Variants in MICU2 observed in about 807,000 individuals in gnomAD.
MICU2 encodes the protein mitochondrial calcium uptake 2, also known as calcium uptake protein 2, mitochondrial.
MICU2 carries 64 observed loss-of-function variants against 60.4 expected under a neutral mutation model. The ratio of observed to expected loss-of-function variants is 1.06; its 90% confidence interval spans 0.87 to 1.31. The LOEUF is 1.31. MICU2 is among the 50% of genes most tolerant of loss of function. The pLI is 0.00. For missense variants in MICU2, 569 were observed against 531.0 expected (o/e 1.07, Z -0.70); for synonymous variants, 201 against 175.0 (o/e 1.15, Z -1.17).
intron 4 of MICU2, chr13:21,531,119 A>G: frequency 1.1e-6 from 1 of 926,788 alleles, no homozygotes. Flanking sequence ...CCCCCTACCT[A>G]ATTGCCTTTC....
chr13:21,506,715 G>T (rs994443742), intron 8 of MICU2, among the ~76,000 whole-genome samples: 1 of 152,156 alleles, frequency 6.6e-6, no homozygotes, highest in African/African-American at 2.4e-5. Context: ...TGTCACAATG[G>T]ATGGGGAGTC....
chr13:21,533,933 T>C (rs1016211529), intron 4 of MICU2, among the ~76,000 whole-genome samples: 2 of 152,146 alleles, frequency 1.3e-5, no homozygotes, highest in African/African-American at 4.8e-5. Context: ...AAAGAGGAGA[T>C]AAAAATTAGA....
At chr13:21,538,562 C>CA (rs71650194) in intron 4 of MICU2, among the ~76,000 whole-genome samples, 3,816 of 102,170 alleles carry the variant, frequency 0.037, 180 homozygotes, top group African/African-American at 0.061. Context: ...GACCCTGTCT[C>CA]AAAAAAAAAA....
rs542419762 is a variant in MICU2, at chr13:21,496,316, C to A, written c.934-156G>T. 4.2e-5 allele frequency: 25 copies of A among 592,116 alleles called. No individual in the cohort carries two copies. The South Asian group carries it at 5.3e-4, about 13-fold the overall frequency. The allele number at this position is 592,116 out of a possible 1,614,324, so 36.7% of individuals were successfully genotyped here. On this transcript the variant is annotated intron_variant, in intron 9 of 11. Transcript: ENST00000382374. Reference sequence around the variant, plus strand: ...CTGTCCCTTTCTCTCTGTGTGCACACAGAAATGGCCACACAAAGGGCACAG... The same window carrying A: ...CTGTCCCTTTCTCTCTGTGTGCACAAAGAAATGGCCACACAAAGGGCACAG...
chr13:21,539,580 G>A (rs1039910033), intron 3 of MICU2, 77 bp downstream of exon 3: 1 of 1,579,018 alleles, frequency 6.3e-7, no homozygotes, highest in Admixed American at 1.7e-5. Flanking sequence ...TTACAGGTGT[G>A]AGCCACCGTG....
At chr13:21,573,818 T>G (rs1312835583) in intron 1 of MICU2, among the ~76,000 whole-genome samples, 2 of 151,950 alleles carry the variant, frequency 1.3e-5, no homozygotes, top group African/African-American at 4.8e-5. Flanking sequence ...ATATATTATG[T>G]GGAGAAATAA....
At position 21,597,675 on chromosome 13, in the gene MICU2, C is replaced by T. The variant is rs547908672; in HGVS notation, c.210+6264G>A. Among the ~76,000 whole-genome samples, 11 of 152,116 alleles carry T rather than the reference C, an allele frequency of 7.2e-5. No homozygotes were observed. The South Asian group carries it at 2.3e-3, about 32-fold the overall frequency. On this transcript the variant is annotated intron_variant, in intron 1 of 11. Transcript: ENST00000382374. ...GGGCGCGGTGGCTCATGCCTGTAAT[C>T]CCAGCAGGGATTTTGGGAGGCCGAG...
intron 1 of MICU2, 25 bp from the exon 2 acceptor site, chr13:21,566,969 G>A: frequency 6.3e-7 from 1 of 1,581,236 alleles, no homozygotes; most frequent in Non-Finnish European, 8.6e-7. Context: ...AATTGCAATT[G>A]AAGATTTTTT....
intron 7 of MICU2, among the ~76,000 whole-genome samples, chr13:21,513,041 T>C (rs572749167): frequency 2.0e-5 from 3 of 152,268 alleles, no homozygotes; most frequent in South Asian, 2.1e-4. Flanking sequence ...TTCACTGATA[T>C]ATACACATGA....
intron 9 of MICU2, among the ~76,000 whole-genome samples, chr13:21,497,843 G>C (rs1593312029): frequency 1.3e-5 from 2 of 152,246 alleles, no homozygotes; most frequent in South Asian, 4.1e-4. Flanking sequence ...TGAAATTCTG[G>C]GTTCAAGCTA....
chr13:21,599,753 A>G (rs1888774143), intron 1 of MICU2, among the ~76,000 whole-genome samples: 1 of 152,108 alleles, frequency 6.6e-6, no homozygotes, highest in African/African-American at 2.4e-5. Flanking sequence ...AAGTCCCAAT[A>G]CTCTTTCCAA....
chr13:21,585,472 C>G (rs550461604), intron 1 of MICU2, among the ~76,000 whole-genome samples: 3 of 152,184 alleles, frequency 2.0e-5, no homozygotes, highest in African/African-American at 7.2e-5. Context: ...CACAAATATA[C>G]TAGCAGTACA....
In MICU2 at chr13:21,507,627, C is replaced by T. The variant is rs149681555; in HGVS notation, c.761+2377G>A. On this transcript the variant is annotated intron_variant, in intron 8 of 11. Transcript: ENST00000382374. Reference sequence around the variant, plus strand: ...TTAGATTTTTTTTTTTTTTTTGAGACGAGTCTCACTCCGTTGCCCAGGCTG... The same window carrying T: ...TTAGATTTTTTTTTTTTTTTTGAGATGAGTCTCACTCCGTTGCCCAGGCTG... 6.0e-4 allele frequency among the ~76,000 whole-genome samples: 87 copies of T among 145,230 alleles called. 2 individuals carry two copies. In the East Asian group the frequency reaches 7.2e-3, roughly 12 times the overall value.
intron 7 of MICU2, among the ~76,000 whole-genome samples, chr13:21,512,022 G>A (rs1474589426): frequency 6.6e-6 from 1 of 152,194 alleles, no homozygotes; most frequent in Non-Finnish European, 1.5e-5. Flanking sequence ...TACAGGTTTT[G>A]TACGAACAAT....
chr13:21,497,726 C>G (rs1886037016), intron 9 of MICU2, among the ~76,000 whole-genome samples: 1 of 152,002 alleles, frequency 6.6e-6, no homozygotes, highest in African/African-American at 2.4e-5. Context: ...ACAAACAAAA[C>G]AAAAGTAAAC....
intron 9 of MICU2, among the ~76,000 whole-genome samples, chr13:21,497,083 C>T (rs1355557670): frequency 6.8e-6 from 1 of 147,452 alleles, no homozygotes; most frequent in Non-Finnish European, 1.5e-5. Context: ...AACAAACAAA[C>T]AAACAAACGG....
chr13:21,557,304 A>T (rs9552450), intron 2 of MICU2, among the ~76,000 whole-genome samples: 1 of 152,050 alleles, frequency 6.6e-6, no homozygotes, highest in Admixed American at 6.6e-5. Context: ...AAGAACTATA[A>T]GGCTAAAGAA....
At chr13:21,545,110 C>T (rs1369895243) in intron 2 of MICU2, among the ~76,000 whole-genome samples, 1 of 152,180 alleles carries the variant, frequency 6.6e-6, no homozygotes, top group Non-Finnish European at 1.5e-5. Flanking sequence ...ACAATCAATA[C>T]ATCAAAGAGG....
In MICU2 at chr13:21,592,601, G is replaced by A. The variant is rs541391882; in HGVS notation, c.210+11338C>T. ...CAATATCCCTGATGAACATTGATGCGAAAATCCTCAATAAAACACTGGCAA... is the reference window on the plus strand; with the variant it reads ...CAATATCCCTGATGAACATTGATGCAAAAATCCTCAATAAAACACTGGCAA... On this transcript the variant is annotated intron_variant, in intron 1 of 11. Transcript: ENST00000382374. 2.0e-3 allele frequency among the ~76,000 whole-genome samples: 303 copies of A among 152,236 alleles called. 1 individual carries two copies. Among genetic ancestry groups the A allele is most frequent in the African/African-American group, 6.7e-3 (279 of 41,548 alleles).
Sources: gnomAD v4.1 joint callset for allele counts (sites outside exome capture counted in the v4.1 genomes callset) on GRCh38, gnomAD v4.1.1 for gene constraint, MANE v1.5 for transcripts, NCBI Gene and HGNC (gene_info 2026-07-23, HGNC 2026-07-21) for gene names.